LINC01488: variants seen among roughly 807,000 people sequenced by gnomAD.
LINC01488 encodes CCND1-upstream intergenic DNA repair 1.
intron 1 of LINC01488, among the ~76,000 whole-genome samples, chr11:69,481,967 TTGAA>T (rs778376503): frequency 1.9e-3 from 292 of 150,492 alleles, no homozygotes; most frequent in African/African-American, 6.8e-3. Context: ...GGATGGATGA[TTGAA>T]TGGGTGGATG....
intron 1 of LINC01488, among the ~76,000 whole-genome samples, chr11:69,482,955 C>T (rs1397458242): frequency 6.6e-6 from 1 of 152,166 alleles, no homozygotes; most frequent in Non-Finnish European, 1.5e-5. Context: ...TGGTGACCTC[C>T]TTTTAATTTG....
intron 1 of LINC01488, among the ~76,000 whole-genome samples, chr11:69,488,520 C>T (rs1269776649): frequency 6.6e-6 from 1 of 152,228 alleles, no homozygotes; most frequent in South Asian, 2.1e-4. Flanking sequence ...CCCACGGCAA[C>T]AGGAGGGTAC....
At chr11:69,489,951 C>T (rs1299189788) in intron 1 of LINC01488, among the ~76,000 whole-genome samples, 3 of 152,100 alleles carry the variant, frequency 2.0e-5, no homozygotes, top group Admixed American at 1.3e-4. Flanking sequence ...AATCCCAGGT[C>T]CCAGCCAGGA....
At chr11:69,487,790 T>A (rs1857149147) in intron 1 of LINC01488, 1 of 152,154 alleles carries the variant, frequency 6.6e-6, no homozygotes, top group Non-Finnish European at 1.5e-5. Context: ...GGCAGAAATC[T>A]TGTCCAAAGG....
chr11:69,483,105 G>A (rs1279765586), intron 1 of LINC01488, among the ~76,000 whole-genome samples: 1 of 152,226 alleles, frequency 6.6e-6, no homozygotes, highest in East Asian at 1.9e-4. Flanking sequence ...GAGGTCCGTG[G>A]AAGGAGAGAG....
chr11:69,485,516 G>A (rs1429580346), intron 1 of LINC01488: 2 of 152,290 alleles, frequency 1.3e-5, no homozygotes, highest in African/African-American at 4.8e-5. Flanking sequence ...CCTCTCTTGG[G>A]GGCGTGAGCT....
chr11:69,487,975 G>A (rs993948769), intron 1 of LINC01488: 1 of 152,484 alleles, frequency 6.6e-6, no homozygotes, highest in African/African-American at 2.4e-5. Flanking sequence ...CACAGACATG[G>A]ATGGAGGGAA....
chr11:69,483,820 G>T (rs1326235431), intron 1 of LINC01488, among the ~76,000 whole-genome samples: 1 of 151,704 alleles, frequency 6.6e-6, no homozygotes, highest in Non-Finnish European at 1.5e-5. Context: ...CAAGGCCCGG[G>T]CCGGCCCGGC....
intron 1 of LINC01488, among the ~76,000 whole-genome samples, chr11:69,484,176 G>C (rs1411497329): frequency 6.6e-6 from 1 of 152,188 alleles, no homozygotes; most frequent in Non-Finnish European, 1.5e-5. Flanking sequence ...GCAGCTTCGA[G>C]ATAGAGAGCG....
intron 1 of LINC01488, among the ~76,000 whole-genome samples, chr11:69,488,624 T>A (rs1857163450): frequency 6.6e-6 from 1 of 152,224 alleles, no homozygotes; most frequent in Admixed American, 6.5e-5. Context: ...AATGGAACGT[T>A]GTGCCGCCTG....
intron 1 of LINC01488, among the ~76,000 whole-genome samples, chr11:69,488,882 C>T (rs1857168705): frequency 6.6e-6 from 1 of 152,232 alleles, no homozygotes; most frequent in Non-Finnish European, 1.5e-5. Flanking sequence ...CAGCCCTGCA[C>T]AGCCGTAGCC....
At chr11:69,483,406 A>G (rs1365358865) in intron 1 of LINC01488, among the ~76,000 whole-genome samples, 1 of 152,194 alleles carries the variant, frequency 6.6e-6, no homozygotes, top group East Asian at 1.9e-4. Context: ...TTCTCTATAA[A>G]GTAGGATCAT....
At chr11:69,487,771 C>T (rs1383592882) in intron 1 of LINC01488, 3 of 152,114 alleles carry the variant, frequency 2.0e-5, no homozygotes, top group African/African-American at 7.2e-5. Context: ...GGAGGCAGGT[C>T]CTGGCTCAGG....
exon 4 of LINC01488, chr11:69,493,163 G>A (rs1857250297): frequency 6.6e-6 from 1 of 152,200 alleles, no homozygotes; most frequent in Non-Finnish European, 1.5e-5. Flanking sequence ...CCCTAGTTTT[G>A]TGTCTGCACT....
chr11:69,487,218 G>C (rs1336633646), intron 1 of LINC01488, among the ~76,000 whole-genome samples: 1 of 152,214 alleles, frequency 6.6e-6, no homozygotes, highest in Non-Finnish European at 1.5e-5. Flanking sequence ...ACAGAAGAGA[G>C]TAGCGGGAGG....
chr11:69,488,630 G>A (rs545980559), intron 1 of LINC01488, among the ~76,000 whole-genome samples: 5 of 152,364 alleles, frequency 3.3e-5, no homozygotes, highest in South Asian at 4.1e-4. Flanking sequence ...ACGTTGTGCC[G>A]CCTGTCGGGG....
chr11:69,492,640 C>A (rs1359299272), exon 4 of LINC01488: 2 of 152,280 alleles, frequency 1.3e-5, no homozygotes, highest in African/African-American at 2.4e-5. Flanking sequence ...CCCGCTGCCA[C>A]CTCGACTGCA....
intron 1 of LINC01488, among the ~76,000 whole-genome samples, chr11:69,485,093 G>T (rs1857093346): frequency 6.6e-6 from 1 of 152,188 alleles, no homozygotes. Flanking sequence ...GGAAGTGGGG[G>T]GCGGGGTGGA....
At chr11:69,488,278 T>G in intron 1 of LINC01488, 1 of 152,394 alleles carries the variant, frequency 6.6e-6, no homozygotes, top group East Asian at 1.9e-4. Context: ...CTGGATCTCA[T>G]GCGAGAACTG....
Sources: allele counts gnomAD v4.1 joint callset (sites outside exome capture counted in the v4.1 genomes callset), GRCh38; gene constraint gnomAD v4.1.1; transcripts MANE v1.5; gene names NCBI Gene and HGNC (gene_info 2026-07-23, HGNC 2026-07-21).